Variants in DOCK7 observed in about 807,000 individuals in gnomAD.
DOCK7 encodes the protein dedicator of cytokinesis protein 7.
Under a neutral mutation model 271.0 loss-of-function variants are expected in DOCK7, and 138 were observed. The ratio of observed to expected loss-of-function variants is 0.51; its 90% CI spans 0.44 to 0.59. The LOEUF (loss-of-function observed/expected upper bound fraction) is 0.59, where lower values mean the gene tolerates loss of function less well. Among genes scored for constraint, DOCK7 ranks in the 20% least tolerant of loss-of-function variants. The pLI, the probability that DOCK7 is intolerant of heterozygous loss-of-function variation, is 0.00. For synonymous variants in DOCK7, 823 were observed against 876.1 expected, an observed-to-expected ratio of 0.94 and a Z score of 1.07; for missense variants, 2,066 against 2,592.4, an observed-to-expected ratio of 0.80 and a Z score of 4.41.
chr1:62,631,046 G>A (rs978276978), intron 11 of DOCK7, among the ~76,000 whole-genome samples, 194 bp downstream of exon 11: 2 of 151,890 alleles, frequency 1.3e-5, no homozygotes, highest in African/African-American at 2.4e-5. Context: ...TTAGCCAGGC[G>A]TGGTGGCGCA....
At chr1:62,660,859 T>TTGGGAGGCC (rs1658576800) in intron 2 of DOCK7, among the ~76,000 whole-genome samples, 1 of 152,070 alleles carries the variant, frequency 6.6e-6, no homozygotes. Flanking sequence ...TCCCAACACT[T>TTGGGAGGCC]TGGGAGGCCA....
chr1:62,566,547 A>G (rs148982925), intron 18 of DOCK7, among the ~76,000 whole-genome samples: 1,640 of 152,330 alleles, frequency 0.011, 13 homozygotes, highest in Non-Finnish European at 0.017. Flanking sequence ...AAATTAACTC[A>G]GGATGGATTA....
chr1:62,649,296 T>C (rs1168091), intron 4 of DOCK7, among the ~76,000 whole-genome samples: 149,925 of 152,282 alleles, frequency 0.98, 73,848 homozygotes, highest in Middle Eastern at 1. Flanking sequence ...ATAGTTCTTG[T>C]TATCACCCAA....
chr1:62,598,377 A>T (rs1033754617), intron 14 of DOCK7, among the ~76,000 whole-genome samples: 5 of 152,174 alleles, frequency 3.3e-5, no homozygotes, highest in Admixed American at 6.6e-5. Context: ...GTTAAAAAAA[A>T]TTTAAAACTA....
intron 48 of DOCK7, among the ~76,000 whole-genome samples, chr1:62,471,242 G>A (rs777456063): frequency 9.9e-5 from 15 of 152,096 alleles, no homozygotes; most frequent in Non-Finnish European, 1.9e-4. Context: ...TTTCTGGGGT[G>A]GGGAGGGTCA....
intron 29 of DOCK7, among the ~76,000 whole-genome samples, chr1:62,534,790 G>A (rs538105472): frequency 2.6e-5 from 4 of 152,072 alleles, no homozygotes; most frequent in African/African-American, 9.6e-5. Flanking sequence ...TACATAGTAT[G>A]ATGGCAAATT....
intron 14 of DOCK7, among the ~76,000 whole-genome samples, chr1:62,613,676 TTC>T (rs1302919269): frequency 2.6e-5 from 4 of 152,144 alleles, no homozygotes; most frequent in African/African-American, 9.7e-5. Context: ...CAGAATACAG[TTC>T]TCTTTCCTAC....
At chr1:62,607,296 ACTT>A (rs1464790068) in intron 14 of DOCK7, among the ~76,000 whole-genome samples, 2 of 151,794 alleles carry the variant, frequency 1.3e-5, no homozygotes, top group Non-Finnish European at 2.9e-5. Context: ...CATCTTCCTC[ACTT>A]CTTTATATCC....
intron 1 of DOCK7, among the ~76,000 whole-genome samples, chr1:62,681,300 C>T (rs2149774889): frequency 1.3e-5 from 2 of 150,264 alleles, no homozygotes; most frequent in East Asian, 3.9e-4. Context: ...AAACCAAACA[C>T]CACATGTTCT....
At chr1:62,556,871 C>T (rs1341222933) in intron 20 of DOCK7, among the ~76,000 whole-genome samples, 1 of 152,010 alleles carries the variant, frequency 6.6e-6, no homozygotes, top group African/African-American at 2.4e-5. Flanking sequence ...GAGACAGAAA[C>T]CTGAGCGAAG....
intron 11 of DOCK7, among the ~76,000 whole-genome samples, chr1:62,625,795 T>A (rs1653877468): frequency 1.3e-5 from 2 of 152,198 alleles, no homozygotes; most frequent in South Asian, 4.1e-4. Context: ...TCAAAGTACT[T>A]GCAAGATAAT....
At chr1:62,580,277 T>C (rs141583884) in intron 16 of DOCK7, among the ~76,000 whole-genome samples, 35 of 152,236 alleles carry the variant, frequency 2.3e-4, no homozygotes, top group African/African-American at 7.0e-4. Flanking sequence ...ACAAGAAAGA[T>C]AGCTAATGTT....
chr1:62,578,615 A>G (rs1261198492), intron 17 of DOCK7, among the ~76,000 whole-genome samples: 3 of 146,570 alleles, frequency 2.0e-5, no homozygotes, highest in African/African-American at 7.5e-5. Context: ...CCAGCTATTC[A>G]GGAGGCTGAG....
chr1:62,549,705 A>AACT (rs1400034543), intron 22 of DOCK7, among the ~76,000 whole-genome samples: 2 of 152,050 alleles, frequency 1.3e-5, no homozygotes, highest in Admixed American at 6.6e-5. Context: ...AATAAACAGT[A>AACT]TTTACCTATT....
At chr1:62,493,825 T>C (rs1361915529) in intron 40 of DOCK7, among the ~76,000 whole-genome samples, 2 of 152,216 alleles carry the variant, frequency 1.3e-5, no homozygotes, top group African/African-American at 4.8e-5. Flanking sequence ...GGGTCAGAAT[T>C]ATGTACCCTA....
At chr1:62,490,401 C>A (rs574150129) in intron 41 of DOCK7, among the ~76,000 whole-genome samples, 1 of 152,030 alleles carries the variant, frequency 6.6e-6, no homozygotes, top group African/African-American at 2.4e-5. Flanking sequence ...CTTGACCCAG[C>A]CTTTATCTTT....
intron 14 of DOCK7, chr1:62,604,822 A>T (rs1557788896): frequency 6.2e-7 from 1 of 1,612,132 alleles, no homozygotes; most frequent in Middle Eastern, 1.7e-4. Flanking sequence ...GAATGAACTG[A>T]GGCAAATTTA....
chr1:62,597,465 C>G, intron 14 of DOCK7: 4 of 1,316,290 alleles, frequency 3.0e-6, no homozygotes, highest in Non-Finnish European at 4.2e-6. Flanking sequence ...ACCAACCTTA[C>G]CTTTTCTGGG....
At chr1:62,459,175 C>T (rs1269707895) in intron 48 of DOCK7, 2 of 149,974 alleles carry the variant, frequency 1.3e-5, no homozygotes, top group African/African-American at 2.4e-5. Context: ...TATCCCCTAC[C>T]AGAAATTTAA....
Sources: gnomAD v4.1 joint callset for allele counts (sites outside exome capture counted in the v4.1 genomes callset) on GRCh38, gnomAD v4.1.1 for gene constraint, MANE v1.5 for transcripts, NCBI Gene and HGNC (gene_info 2026-07-23, HGNC 2026-07-21) for gene names.